Variants in LMOD1 observed in about 807,000 individuals in gnomAD.
The protein encoded by LMOD1 is leiomodin 1.
LMOD1 carries 8 observed loss-of-function variants against 36.5 expected under a neutral mutation model. That is an observed-to-expected ratio of 0.22 (90% CI 0.13 to 0.40). The LOEUF is 0.40. Among genes scored for constraint, LMOD1 ranks in the 10% least tolerant of loss-of-function variants. LMOD1 has a pLI of 1.00. For synonymous variants in LMOD1, 284 were observed against 288.7 expected (o/e 0.98, Z 0.17); for missense variants, 630 against 751.1 (o/e 0.84, Z 1.88).
Position 201,900,736 on chromosome 1 carries a change from CCA to C in LMOD1, c.275_276del (p.Val92GlyfsTer44). The C allele has an allele frequency of 6.3e-7, 1 of 1,579,418 alleles. No individual in the cohort carries two copies. Among genetic ancestry groups the C allele is most frequent in the Non-Finnish European group, 8.6e-7 (1 of 1,167,152 alleles). On this transcript the variant is annotated frameshift_variant, in exon 2 of 3. Coordinates refer to ENST00000367288, the MANE Select transcript of LMOD1 (RefSeq NM_012134.3). LOFTEE classifies it high-confidence loss of function. ...REMSMDESKQ[V>X]ETKTDAKNGE... ...CCATTCTTGGCATCTGTCTTGGTCT[CCA>C]CTTGCTTGCTTTCCTAAGAATTCAG...
chr1:201,915,345 C>T (rs1255698744), intron 1 of LMOD1, among the ~76,000 whole-genome samples: 1 of 152,166 alleles, frequency 6.6e-6, no homozygotes, highest in Non-Finnish European at 1.5e-5. Flanking sequence ...GCATCAGCTG[C>T]ATTCTACGTA....
intron 1 of LMOD1, among the ~76,000 whole-genome samples, chr1:201,924,685 G>GAAAGAAAGAAAGAAAGAAAGAAAGAAAAA (rs1681791889): frequency 2.2e-5 from 1 of 46,268 alleles, no homozygotes; most frequent in Non-Finnish European, 7.0e-5. Context: ...AAGAAAGAAA[G>GAAAGAAAGAAAGAAAGAAAGAAAGAAAAA]AAAGAAAGAA....
Position 201,896,632 on chromosome 1 carries a change from GGGACTGACAGTGA to G in LMOD1, c.*1727_*1739del, listed in dbSNP as rs778263752. ...CCCAGCAGGCACAGGGGGGTGCAGT[GGGACTGACAGTGA>G]GGGCTGACAGTGGAAGCTCTAGCTG... is the stretch of plus-strand genomic sequence containing the variant. On this transcript the variant is annotated 3_prime_UTR_variant, in exon 3 of 3. Transcript: ENST00000367288. 1 of 456,754 alleles carries G rather than the reference GGGACTGACAGTGA, an allele frequency of 2.2e-6. No individual in the cohort carries two copies. The highest frequency in any genetic ancestry group is 1.5e-5 in the South Asian group (1 of 64,572). 28.3% of individuals were successfully genotyped at this position (456,754 alleles called of 1,614,324 possible). A position where few individuals can be genotyped will look rare whatever the true frequency, so the allele number is the denominator to read the frequency against.
At chr1:201,910,744 C>CTGTTTTTTTT (rs1681482472) in intron 1 of LMOD1, among the ~76,000 whole-genome samples, 1 of 49,050 alleles carries the variant, frequency 2.0e-5, no homozygotes, top group Non-Finnish European at 3.4e-5. Context: ...TGGTGTCATT[C>CTGTTTTTTTT]TTTTTTTTTT....
intron 1 of LMOD1, among the ~76,000 whole-genome samples, chr1:201,938,310 G>C (rs940865321): frequency 3.3e-5 from 5 of 151,928 alleles, no homozygotes; most frequent in African/African-American, 9.7e-5. Context: ...TGTATTTTTA[G>C]TAGAGACGGG....
At position 201,924,082 on chromosome 1, in the gene LMOD1, C is replaced by G. The variant is rs188783092; in HGVS notation, c.261+21998G>C. 2.6e-5 allele frequency among the ~76,000 whole-genome samples: 4 copies of G among 151,122 alleles called. No individual in the cohort carries two copies. The East Asian group carries it at 7.8e-4, about 30-fold the overall frequency. On this transcript the variant is annotated intron_variant, in intron 1 of 2. Transcript: ENST00000367288. ...CTGTAATCCCAGCACTTTGGGAGGC[C>G]GAGGCGGGCAGATCACGAGGTCAGG...
intron 1 of LMOD1, among the ~76,000 whole-genome samples, chr1:201,917,178 C>T (rs1007607892): frequency 1.3e-5 from 2 of 152,150 alleles, no homozygotes; most frequent in African/African-American, 2.4e-5. Context: ...AGGGTTCTTG[C>T]CTGCCTTGAG....
At chr1:201,933,595 T>TTATATATATATATATA (rs71141426) in intron 1 of LMOD1, among the ~76,000 whole-genome samples, 877 of 62,746 alleles carry the variant, frequency 0.014, 31 homozygotes, top group East Asian at 0.019. Context: ...TATACATACA[T>TTATATATATATATATA]TATATATATA....
intron 1 of LMOD1, among the ~76,000 whole-genome samples, chr1:201,906,928 GA>G (rs1477375725): frequency 6.6e-6 from 1 of 152,190 alleles, no homozygotes; most frequent in Non-Finnish European, 1.5e-5. Context: ...GTCCTATGGG[GA>G]AAGTTGGATT....
At chr1:201,906,891 T>A (rs80199770) in intron 1 of LMOD1, among the ~76,000 whole-genome samples, 3 of 490 alleles carry the variant, frequency 6.1e-3, no homozygotes, top group Non-Finnish European at 0.05. Context: ...TAAATAAATA[T>A]ATAGACAAGT....
chr1:201,901,668 A>G lies in LMOD1; in HGVS notation c.262-917T>C, dbSNP rs1287038631. The stretch of plus-strand genomic sequence containing the variant: ...TATATACATATATATGTGTATATAT[A>G]TATATACACATATATATATGTGTAT... On this transcript the variant is annotated intron_variant, in intron 1 of 2. Coordinates refer to ENST00000367288, the MANE Select transcript of LMOD1 (RefSeq NM_012134.3). Among the ~76,000 whole-genome samples the G allele has an allele frequency of 3.0e-5, 3 of 100,314 alleles. 1 individual carries two copies. Among genetic ancestry groups the G allele is most frequent in the African/African-American group, 1.1e-4 (3 of 26,470 alleles). 65.8% of individuals were successfully genotyped at this position (100,314 alleles called of 152,430 possible).
chr1:201,933,538 T>A (rs1681962475), intron 1 of LMOD1, among the ~76,000 whole-genome samples: 1 of 94,564 alleles, frequency 1.1e-5, no homozygotes, highest in African/African-American at 3.5e-5. Context: ...TCTCTATATA[T>A]ATAATACATA....
intron 1 of LMOD1, among the ~76,000 whole-genome samples, chr1:201,901,626 GTGTGTATATA>G (rs1260085527): frequency 3.7e-5 from 2 of 54,532 alleles, no homozygotes; most frequent in South Asian, 6.4e-4. Context: ...ATATATGTGT[GTGTGTATATA>G]TATATATATA....
At chr1:201,901,553 CATATATATATGTATATATATATATAT>C (rs779603669) in intron 1 of LMOD1, among the ~76,000 whole-genome samples, 1,145 of 38,350 alleles carry the variant, frequency 0.03, 143 homozygotes, top group African/African-American at 0.13. Flanking sequence ...TATATATATA[CATATATATATGTATATATATATATAT>C]ATATACATAT....
chr1:201,898,510 A>T (rs972855707), intron 2 of LMOD1, 112 bp from the exon 3 acceptor site: 8 of 939,880 alleles, frequency 8.5e-6, no homozygotes, highest in Non-Finnish European at 1.2e-5. Context: ...TGGAATGTGA[A>T]TGAGGTGTTG....
intron 1 of LMOD1, among the ~76,000 whole-genome samples, chr1:201,904,537 AC>A: frequency 6.6e-6 from 1 of 152,006 alleles, no homozygotes; most frequent in East Asian, 1.9e-4. Flanking sequence ...CTTCCCTGAC[AC>A]CGCACATCCT....
chr1:201,933,610 T>TATATATATAC (rs1167029973), intron 1 of LMOD1, among the ~76,000 whole-genome samples: 1 of 34,734 alleles, frequency 2.9e-5, no homozygotes, highest in African/African-American at 7.7e-5. Flanking sequence ...TATATATATA[T>TATATATATAC]ATATATATAT....
intron 1 of LMOD1, among the ~76,000 whole-genome samples, chr1:201,904,244 G>A (rs535385830): frequency 1.3e-5 from 2 of 152,076 alleles, no homozygotes; most frequent in African/African-American, 4.8e-5. Context: ...GAATTTCACT[G>A]TTGTTGCCCA....
chr1:201,917,340 A>G (rs1342018494), intron 1 of LMOD1, among the ~76,000 whole-genome samples: 1 of 152,050 alleles, frequency 6.6e-6, no homozygotes, highest in Non-Finnish European at 1.5e-5. Context: ...CCCTACCACC[A>G]AGGCTTCTGC....
Sources: gnomAD v4.1 joint callset for allele counts (sites outside exome capture counted in the v4.1 genomes callset) on GRCh38, gnomAD v4.1.1 for gene constraint, MANE v1.5 for transcripts, NCBI Gene and HGNC (gene_info 2026-07-23, HGNC 2026-07-21) for gene names.